Variants in GRIN2B observed in about 807,000 individuals in gnomAD.
The protein encoded by GRIN2B is glutamate ionotropic receptor NMDA type subunit 2B.
Under a neutral mutation model 114.5 loss-of-function variants are expected in GRIN2B, and 5 were observed. That is an observed-to-expected ratio of 0.04 (90% CI 0.02 to 0.09). The LOEUF is 0.09. GRIN2B is among the 10% of genes least tolerant of loss of function. GRIN2B has a pLI of 1.00. For synonymous variants in GRIN2B, 787 were observed against 745.1 expected (o/e 1.06, Z -0.92); for missense variants, 1,108 against 1,943.5 (o/e 0.57, Z 8.08).
intron 4 of GRIN2B, among the ~76,000 whole-genome samples, chr12:13,743,456 T>TAC (rs994473830): frequency 5.9e-5 from 9 of 151,964 alleles, no homozygotes; most frequent in African/African-American, 1.7e-4. Flanking sequence ...TGCACACACA[T>TAC]ACACACACAC....
intron 5 of GRIN2B, among the ~76,000 whole-genome samples, chr12:13,618,652 C>G (rs535275457): frequency 2.5e-4 from 38 of 152,254 alleles, no homozygotes; most frequent in African/African-American, 8.7e-4. Flanking sequence ...TCTCACTGTC[C>G]TCAGAATTGT....
At position 13,559,582 on chromosome 12, in the gene GRIN2B, TC is replaced by T. The variant is rs1948515121; in HGVS notation, c.*3200del. 6.6e-6 allele frequency: 1 copy of T among 152,218 alleles called. No individual in the cohort carries two copies. The highest frequency in any genetic ancestry group is 1.5e-5 in the Non-Finnish European group (1 of 68,046). The allele number at this position is 152,218 out of a possible 1,614,324, so 9.4% of individuals were successfully genotyped here. On this transcript the variant is annotated 3_prime_UTR_variant, in exon 14 of 14. Transcript: ENST00000609686. ...CACCCTCCCACGTCTAAACCTAACT[TC>T]AGCAATCTTGCTAAGGGAATCATCT... is the stretch of plus-strand genomic sequence containing the variant.
intron 10 of GRIN2B, among the ~76,000 whole-genome samples, chr12:13,581,050 T>A (rs1047989568): frequency 1.3e-5 from 2 of 152,240 alleles, no homozygotes; most frequent in Non-Finnish European, 2.9e-5. Flanking sequence ...ATGCACCAGT[T>A]GATCCATTTA....
chr12:13,809,030 G>T (rs1004809884), intron 3 of GRIN2B, among the ~76,000 whole-genome samples: 3 of 152,026 alleles, frequency 2.0e-5, no homozygotes, highest in African/African-American at 7.2e-5. Flanking sequence ...CTCAACCATG[G>T]CACTATCAGC....
chr12:13,557,276 A>G lies in GRIN2B; in HGVS notation c.*5507T>C, dbSNP rs1192227915. ...ATCTGCCATTTTAGTGTCATCCCAA[A>G]CATCTGCTAGGCCTAAGAAACAATT... On this transcript the variant is annotated 3_prime_UTR_variant, in exon 14 of 14. Coordinates refer to ENST00000609686, the MANE Select transcript of GRIN2B (RefSeq NM_000834.5). 6.6e-6 allele frequency: 1 copy of G among 152,172 alleles called. No homozygotes were observed. The highest frequency in any genetic ancestry group is 2.4e-5 in the African/African-American group (1 of 41,446). 9.4% of individuals were successfully genotyped at this position (152,172 alleles called of 1,614,324 possible).
intron 3 of GRIN2B, among the ~76,000 whole-genome samples, chr12:13,804,869 C>G (rs904466008): frequency 2.6e-5 from 4 of 152,114 alleles, no homozygotes; most frequent in Non-Finnish European, 4.4e-5. Flanking sequence ...CTCTAACATC[C>G]TGCTCTTGAG....
intron 10 of GRIN2B, among the ~76,000 whole-genome samples, chr12:13,588,782 C>T (rs1341999138): frequency 1.3e-5 from 2 of 152,198 alleles, no homozygotes; most frequent in Non-Finnish European, 2.9e-5. Flanking sequence ...CTGCGTTATA[C>T]ACCAGTAGGA....
intron 13 of GRIN2B, among the ~76,000 whole-genome samples, chr12:13,565,373 C>G (rs1311661490): frequency 6.6e-6 from 1 of 152,162 alleles, no homozygotes; most frequent in Non-Finnish European, 1.5e-5. Flanking sequence ...TTGTTGAATT[C>G]TCTCATTTAT....
rs1012066101 is a variant in GRIN2B at position 13,558,468 on chromosome 12, A to G, written c.*4315T>C. 1.6e-4 allele frequency: 20 copies of G among 127,422 alleles called. No individual in the cohort carries two copies. The highest frequency in any genetic ancestry group is 3.1e-4 in the Non-Finnish European group (17 of 54,114). The allele number at this position is 127,422 out of a possible 1,614,324, so 7.9% of individuals were successfully genotyped here. ...TAAATCTTGAACTAACTAACTAAAA[A>G]CCGACCAAAAAAAAAAAAAAAATGA... On this transcript the variant is annotated 3_prime_UTR_variant, in exon 14 of 14. Coordinates refer to ENST00000609686, the MANE Select transcript of GRIN2B (RefSeq NM_000834.5).
chr12:13,825,098 T>C (rs1865008489), intron 3 of GRIN2B, among the ~76,000 whole-genome samples: 1 of 152,080 alleles, frequency 6.6e-6, no homozygotes, highest in African/African-American at 2.4e-5. Context: ...ATTAGCCATA[T>C]TGTGCAAATT....
chr12:13,929,558 G>C (rs1866983364), intron 2 of GRIN2B, among the ~76,000 whole-genome samples: 1 of 152,186 alleles, frequency 6.6e-6, no homozygotes. Flanking sequence ...GTCTTCTGCT[G>C]TATACCTGCT....
At chr12:13,955,427 C>T (rs893174822) in intron 2 of GRIN2B, among the ~76,000 whole-genome samples, 3 of 152,166 alleles carry the variant, frequency 2.0e-5, no homozygotes, top group African/African-American at 7.2e-5. Flanking sequence ...ACTCACCACA[C>T]GTCTGCAGCA....
intron 3 of GRIN2B, among the ~76,000 whole-genome samples, chr12:13,758,684 G>A (rs1863622594): frequency 6.6e-6 from 1 of 152,112 alleles, no homozygotes; most frequent in Admixed American, 6.5e-5. Context: ...TTATCCTTAA[G>A]ACCCAATTCA....
At position 13,921,003 on chromosome 12, in the gene GRIN2B, C is replaced by T. The variant is rs146475395; in HGVS notation, c.-18-54777G>A. On this transcript the variant is annotated intron_variant, in intron 2 of 13. Coordinates refer to ENST00000609686, the MANE Select transcript of GRIN2B (RefSeq NM_000834.5). Reference sequence around the variant, plus strand: ...TGTAAAACCCTAACAAAGCACAGTACGTATTCTTGAGCCATTTTACTCAAT... The same window carrying T: ...TGTAAAACCCTAACAAAGCACAGTATGTATTCTTGAGCCATTTTACTCAAT... Among the ~76,000 whole-genome samples the T allele has an allele frequency of 2.6e-4, 39 of 152,216 alleles. No individual in the cohort carries two copies. In the East Asian group the frequency reaches 6.9e-3, roughly 27 times the overall value.
At chr12:13,901,029 C>T (rs1163701521) in intron 2 of GRIN2B, among the ~76,000 whole-genome samples, 1 of 152,094 alleles carries the variant, frequency 6.6e-6, no homozygotes, top group East Asian at 1.9e-4. Flanking sequence ...AACTGAAGTT[C>T]TCTAAGATTC....
intron 2 of GRIN2B, among the ~76,000 whole-genome samples, chr12:13,955,577 T>C (rs908885360): frequency 1.3e-5 from 2 of 152,150 alleles, no homozygotes; most frequent in African/African-American, 4.8e-5. Context: ...AAGCAAAATG[T>C]CCTTATTCTA....
At chr12:13,885,430 C>T (rs1454833742) in intron 2 of GRIN2B, among the ~76,000 whole-genome samples, 3 of 152,118 alleles carry the variant, frequency 2.0e-5, no homozygotes, top group Non-Finnish European at 2.9e-5. Flanking sequence ...CCTCACTAGC[C>T]GGGTGTGGTT....
chr12:13,594,510 ACTG>A, intron 10 of GRIN2B, among the ~76,000 whole-genome samples: 1 of 139,284 alleles, frequency 7.2e-6, no homozygotes, highest in East Asian at 2.3e-4. Flanking sequence ...AACATCACAC[ACTG>A]GGGCCTGTAA....
At chr12:13,622,163 C>A (rs1270330080) in intron 5 of GRIN2B, among the ~76,000 whole-genome samples, 1 of 152,170 alleles carries the variant, frequency 6.6e-6, no homozygotes, top group African/African-American at 2.4e-5. Flanking sequence ...ATTAGAGCCT[C>A]TTTAGGCGTC....
Sources: allele counts gnomAD v4.1 joint callset (sites outside exome capture counted in the v4.1 genomes callset), GRCh38; gene constraint gnomAD v4.1.1; transcripts MANE v1.5; gene names NCBI Gene and HGNC (gene_info 2026-07-23, HGNC 2026-07-21).